The following CSMD2 variants were observed in gnomAD, a reference collection of about 807,000 sequenced individuals.
CSMD2 encodes the protein CUB and Sushi multiple domains 2, also known as CUB and sushi domain-containing protein 2.
Under a neutral mutation model 398.5 loss-of-function variants are expected in CSMD2, and 130 were observed. The observed-to-expected ratio is 0.33, with a 90% CI of 0.28 to 0.38. The LOEUF is 0.38. Ranked by LOEUF, CSMD2 falls within the 10% of genes least tolerant of loss-of-function variation. The pLI, the probability that CSMD2 is intolerant of heterozygous loss-of-function variation, is 1.00. For missense variants in CSMD2, 3,829 were observed against 4,764.9 expected (o/e 0.80, Z 5.78); for synonymous variants, 1,828 against 1,908.5 (o/e 0.96, Z 1.10).
At chr1:33,675,217 C>T (rs944389730) in intron 25 of CSMD2, among the ~76,000 whole-genome samples, 1 of 151,782 alleles carries the variant, frequency 6.6e-6, no homozygotes, top group Non-Finnish European at 1.5e-5. Flanking sequence ...GCTAGCAAGA[C>T]TAATAAAGAA....
At chr1:34,114,048 G>C (rs1661358836) in intron 1 of CSMD2, among the ~76,000 whole-genome samples, 1 of 152,158 alleles carries the variant, frequency 6.6e-6, no homozygotes. Context: ...GGGCCATGGA[G>C]AACAAAAGAC....
intron 32 of CSMD2, among the ~76,000 whole-genome samples, chr1:33,631,747 A>C (rs1642479658): frequency 6.6e-6 from 1 of 152,166 alleles, no homozygotes; most frequent in Admixed American, 6.5e-5. Flanking sequence ...AAGAAGAGTT[A>C]ATATAAACGT....
At chr1:34,084,532 A>G (rs1242421281) in intron 2 of CSMD2, among the ~76,000 whole-genome samples, 1 of 152,224 alleles carries the variant, frequency 6.6e-6, no homozygotes, top group Non-Finnish European at 1.5e-5. Flanking sequence ...CAAATTGACA[A>G]GAAAAAAACA....
At chr1:33,946,082 GA>G (rs35639803) in intron 3 of CSMD2, among the ~76,000 whole-genome samples, 19 of 152,134 alleles carry the variant, frequency 1.2e-4, no homozygotes, top group Non-Finnish European at 2.4e-4. Context: ...AAATACAACA[GA>G]AACTCCCTCC....
rs532077268 is a variant in CSMD2 at position 33,951,216 on chromosome 1, G to A, written c.518-15262C>T. 6.3e-4 allele frequency among the ~76,000 whole-genome samples: 96 copies of A among 152,314 alleles called. 1 individual carries two copies. In the South Asian group the frequency reaches 0.018, roughly 29 times the overall value. On this transcript the variant is annotated intron_variant, in intron 3 of 70. Coordinates refer to ENST00000373381, the MANE Select transcript of CSMD2 (RefSeq NM_001281956.2). ...TTCTCTCTTCCCTCCCTTGAGCAAT[G>A]AGACAAGAATTTGTCTAAATGTTAG...
intron 3 of CSMD2, among the ~76,000 whole-genome samples, chr1:33,963,787 T>C (rs990396453): frequency 3.9e-5 from 6 of 152,238 alleles, no homozygotes; most frequent in African/African-American, 1.4e-4. Flanking sequence ...GATATACTAC[T>C]ATTTATTTAT....
intron 25 of CSMD2, among the ~76,000 whole-genome samples, chr1:33,680,359 G>A (rs1644866284): frequency 6.6e-6 from 1 of 152,014 alleles, no homozygotes; most frequent in Non-Finnish European, 1.5e-5. Context: ...CCAGCTCATA[G>A]CTCTTTACGG....
chr1:34,089,903 GTC>G (rs1207895467), intron 1 of CSMD2, among the ~76,000 whole-genome samples: 2 of 152,030 alleles, frequency 1.3e-5, no homozygotes, highest in African/African-American at 2.4e-5. Flanking sequence ...CTCCAGCCTT[GTC>G]TCTCTCTCCT....
chr1:33,740,868 TA>T lies in CSMD2; in HGVS notation c.2174-1535del, dbSNP rs576912224. ...GCACACACACAAGCGCAAATGCACA[TA>T]GCAGGAATATGGAGTTATTTCCAAC... On this transcript the variant is annotated intron_variant, in intron 14 of 70. Coordinates refer to ENST00000373381, the MANE Select transcript of CSMD2 (RefSeq NM_001281956.2). Among the ~76,000 whole-genome samples the T allele has an allele frequency of 2.3e-3, 352 of 152,238 alleles. 1 individual carries two copies. Among genetic ancestry groups the T allele is most frequent in the African/African-American group, 8.2e-3 (340 of 41,532 alleles).
intron 2 of CSMD2, among the ~76,000 whole-genome samples, chr1:34,081,052 G>A (rs1373306136): frequency 6.6e-6 from 1 of 152,216 alleles, no homozygotes; most frequent in East Asian, 1.9e-4. Flanking sequence ...GGAAAACAGT[G>A]TACAACCTTA....
chr1:33,689,392 C>A (rs1645162014), intron 25 of CSMD2, among the ~76,000 whole-genome samples: 1 of 152,180 alleles, frequency 6.6e-6, no homozygotes, highest in African/African-American at 2.4e-5. Context: ...TGGACCTTTA[C>A]TTTCTTCTTC....
At chr1:33,583,620 G>A (rs1638876525) in intron 47 of CSMD2, 22 bp downstream of exon 47, 2 of 1,608,956 alleles carry the variant, frequency 1.2e-6, no homozygotes, top group Middle Eastern at 1.7e-4. Context: ...GCAGAGAACT[G>A]TGAGGCATTT....
intron 1 of CSMD2, among the ~76,000 whole-genome samples, chr1:34,151,278 A>T (rs1442028914): frequency 1.3e-5 from 2 of 152,170 alleles, no homozygotes; most frequent in Admixed American, 1.3e-4. Context: ...GGGCCACTGC[A>T]CTAGGTACTC....
chr1:33,705,023 A>G (rs775650350), intron 22 of CSMD2, among the ~76,000 whole-genome samples: 1 of 152,004 alleles, frequency 6.6e-6, no homozygotes, highest in Non-Finnish European at 1.5e-5. Flanking sequence ...GCCAAATTCA[A>G]TCAGATTTAT....
At position 34,112,076 on chromosome 1, in the gene CSMD2, G is replaced by A. The variant is rs566276209; in HGVS notation, c.188-22883C>T. ...AACTGAGGGAAAAATATATCTGAGT[G>A]GGTGGACAGATAATCTAAAAATTGT... On this transcript the variant is annotated intron_variant, in intron 1 of 70. Transcript: ENST00000373381. Among the ~76,000 whole-genome samples the A allele has an allele frequency of 3.3e-5, 5 of 152,176 alleles. No individual in the cohort carries two copies. The East Asian group carries it at 9.7e-4, about 29-fold the overall frequency.
intron 15 of CSMD2, among the ~76,000 whole-genome samples, chr1:33,728,391 T>C (rs887361239): frequency 6.6e-5 from 10 of 152,190 alleles, no homozygotes; most frequent in Admixed American, 4.6e-4. Context: ...CAAGTATTCT[T>C]AATAGAAACT....
intron 2 of CSMD2, among the ~76,000 whole-genome samples, chr1:34,069,928 C>T (rs909164731): frequency 5.9e-5 from 9 of 152,204 alleles, no homozygotes; most frequent in Middle Eastern, 3.2e-3. Flanking sequence ...CAAGTATCCA[C>T]GGGTTGACTC....
intron 37 of CSMD2, among the ~76,000 whole-genome samples, chr1:33,618,098 G>A (rs981673402): frequency 6.6e-6 from 1 of 152,108 alleles, no homozygotes; most frequent in Non-Finnish European, 1.5e-5. Context: ...CGATGCTCAG[G>A]GGCTCAGTTA....
chr1:33,781,367 T>C lies in CSMD2; in HGVS notation c.1663+7233A>G, dbSNP rs538585118. ...CCCTCCTTTGTATTTCCCTGTCTTC[T>C]AGCACTTGTTCTATGCTACTGAAAA... On this transcript the variant is annotated intron_variant, in intron 12 of 70. Transcript: ENST00000373381. 1.5e-3 allele frequency among the ~76,000 whole-genome samples: 231 copies of C among 152,374 alleles called. 2 individuals carry two copies. Among genetic ancestry groups the C allele is most frequent in the African/African-American group, 5.5e-3 (227 of 41,590 alleles).
Sources: allele counts gnomAD v4.1 joint callset (sites outside exome capture counted in the v4.1 genomes callset), GRCh38; gene constraint gnomAD v4.1.1; transcripts MANE v1.5; gene names NCBI Gene and HGNC (gene_info 2026-07-23, HGNC 2026-07-21).